Variants in NT5DC1 observed in about 807,000 individuals in gnomAD.
NT5DC1 encodes the protein 5'-nucleotidase domain-containing protein 1.
Under a neutral mutation model 59.4 loss-of-function variants are expected in NT5DC1, and 42 were observed. The observed-to-expected ratio is 0.71, with a 90% CI of 0.55 to 0.92. NT5DC1 has a LOEUF of 0.92. Among genes scored for constraint, NT5DC1 ranks in the 40% least tolerant of loss-of-function variants. NT5DC1 has a pLI of 0.00. For synonymous variants in NT5DC1, 172 were observed against 188.1 expected, an observed-to-expected ratio of 0.91 and a Z score of 0.70; for missense variants, 501 against 537.1, an observed-to-expected ratio of 0.93 and a Z score of 0.66.
chr6:116,243,815 AAAAT>A, intron 11 of NT5DC1, 90 bp from the exon 12 acceptor site: 1 of 551,932 alleles, frequency 1.8e-6, no homozygotes, highest in Non-Finnish European at 3.2e-6. Context: ...TTACGTCTAA[AAAAT>A]AAGTTTTATT....
At chr6:116,178,552 C>T (rs1349086543) in intron 6 of NT5DC1, among the ~76,000 whole-genome samples, 1 of 152,168 alleles carries the variant, frequency 6.6e-6, no homozygotes, top group Non-Finnish European at 1.5e-5. Context: ...GAAGTCATAA[C>T]TAGTGTCAGC....
Position 116,248,567 on chromosome 6 carries a change from A to G in NT5DC1, c.*4543A>G, listed in dbSNP as rs1389669419. On this transcript the variant is annotated 3_prime_UTR_variant, in exon 12 of 12. Transcript: ENST00000319550. ...GAAGGGCCTGATGAGAAGGTCAGAG[A>G]AGCCTTTTATAAGTGTCTGGCTTGC... 2 of 152,236 alleles carry G rather than the reference A, an allele frequency of 1.3e-5. No individual in the cohort carries two copies. Among genetic ancestry groups the G allele is most frequent in the African/African-American group, 2.4e-5 (1 of 41,446 alleles). The allele number at this position is 152,236 out of a possible 1,614,324, so 9.4% of individuals were successfully genotyped here.
chr6:116,243,747 A>T (rs911595463), intron 11 of NT5DC1, among the ~76,000 whole-genome samples, 162 bp from the exon 12 acceptor site: 1 of 152,186 alleles, frequency 6.6e-6, no homozygotes, highest in Non-Finnish European at 1.5e-5. Flanking sequence ...CACATTTTTA[A>T]CCTTATAATA....
rs886589019 is a variant in NT5DC1 at position 116,151,317 on chromosome 6, C to T, written c.529+33372C>T. Reference sequence around the variant, plus strand: ...TTGATAACATTCATACATGCAAGTGCATTTTTACTCCACATATTTTTCTTA... The same window carrying T: ...TTGATAACATTCATACATGCAAGTGTATTTTTACTCCACATATTTTTCTTA... On this transcript the variant is annotated intron_variant, in intron 6 of 11. Coordinates refer to ENST00000319550, the MANE Select transcript of NT5DC1 (RefSeq NM_152729.3). 7.2e-5 allele frequency among the ~76,000 whole-genome samples: 11 copies of T among 152,306 alleles called. No individual in the cohort carries two copies. The South Asian group carries it at 2.3e-3, about 32-fold the overall frequency.
intron 6 of NT5DC1, among the ~76,000 whole-genome samples, chr6:116,128,714 G>A (rs1420024110): frequency 6.6e-6 from 1 of 152,006 alleles, no homozygotes; most frequent in Non-Finnish European, 1.5e-5. Context: ...CCCCACTCCT[G>A]CTGTCCTGAG....
chr6:116,230,875 A>T (rs1005163470), intron 8 of NT5DC1, among the ~76,000 whole-genome samples: 1 of 152,128 alleles, frequency 6.6e-6, no homozygotes, highest in African/African-American at 2.4e-5. Flanking sequence ...CACAATTCCA[A>T]CAACATTAAC....
chr6:116,134,756 A>G (rs891900253), intron 6 of NT5DC1, among the ~76,000 whole-genome samples: 1 of 152,208 alleles, frequency 6.6e-6, no homozygotes, highest in Non-Finnish European at 1.5e-5. Context: ...TTGCTGTTCT[A>G]GTAAGTGTGT....
At chr6:116,235,097 A>C (rs1355317808) in intron 8 of NT5DC1, among the ~76,000 whole-genome samples, 1 of 151,010 alleles carries the variant, frequency 6.6e-6, no homozygotes, top group East Asian at 1.9e-4. Flanking sequence ...AGAAGTTATA[A>C]TACTATGGAT....
At chr6:116,150,411 A>G (rs984979801) in intron 6 of NT5DC1, among the ~76,000 whole-genome samples, 10 of 152,162 alleles carry the variant, frequency 6.6e-5, no homozygotes, top group African/African-American at 2.4e-4. Flanking sequence ...CAACCTCCCA[A>G]GTAGCTGGGG....
chr6:116,206,133 A>T (rs1001447310), intron 6 of NT5DC1, among the ~76,000 whole-genome samples: 18 of 152,010 alleles, frequency 1.2e-4, no homozygotes, highest in Non-Finnish European at 2.2e-4. Context: ...TTTGAAGGTA[A>T]GTAGCATTTT....
At chr6:116,174,428 A>G (rs546730223) in intron 6 of NT5DC1, among the ~76,000 whole-genome samples, 1 of 152,344 alleles carries the variant, frequency 6.6e-6, no homozygotes, top group South Asian at 2.1e-4. Context: ...CTGAAGGAAA[A>G]GACGATATGC....
intron 6 of NT5DC1, among the ~76,000 whole-genome samples, chr6:116,212,511 C>T (rs972151191): frequency 6.6e-6 from 1 of 152,060 alleles, no homozygotes; most frequent in Admixed American, 6.6e-5. Flanking sequence ...ACTCTGCATA[C>T]TTTTGGCTTT....
intron 6 of NT5DC1, among the ~76,000 whole-genome samples, chr6:116,178,395 C>T (rs1780800531): frequency 6.6e-6 from 1 of 151,988 alleles, no homozygotes; most frequent in Non-Finnish European, 1.5e-5. Flanking sequence ...TTCATAAAGG[C>T]GATAGAAAGA....
chr6:116,155,951 A>C lies in NT5DC1; in HGVS notation c.529+38006A>C, dbSNP rs551344768. Among the ~76,000 whole-genome samples, 34 of 152,182 alleles carry C rather than the reference A, an allele frequency of 2.2e-4. No homozygotes were observed. In the South Asian group the frequency reaches 6.8e-3, roughly 31 times the overall value. On this transcript the variant is annotated intron_variant, in intron 6 of 11. Coordinates refer to ENST00000319550, the MANE Select transcript of NT5DC1 (RefSeq NM_152729.3). ...AGAGACAAATGTATTCAGTTACCTA[A>C]AGGCTTTAGGGTTGGGAATGGGCTA...
At chr6:116,143,782 A>G (rs983504496) in intron 6 of NT5DC1, among the ~76,000 whole-genome samples, 7 of 152,212 alleles carry the variant, frequency 4.6e-5, no homozygotes, top group African/African-American at 7.2e-5. Context: ...AAAATTAGCT[A>G]TAGTAATTCA....
chr6:116,182,222 A>AGTGTGTGTGTGTGTGTGT (rs35883565), intron 6 of NT5DC1, among the ~76,000 whole-genome samples: 53 of 124,688 alleles, frequency 4.3e-4, no homozygotes, highest in African/African-American at 1.4e-3. Context: ...TTCCATGGAG[A>AGTGTGTGTGTGTGTGTGT]GTGTGTGTGT....
At chr6:116,222,222 CT>C (rs1333389413) in intron 7 of NT5DC1, among the ~76,000 whole-genome samples, 1 of 152,170 alleles carries the variant, frequency 6.6e-6, no homozygotes, top group East Asian at 1.9e-4. Flanking sequence ...TCCTGGATGT[CT>C]TAGAAGGTGC....
chr6:116,122,078 T>C, intron 6 of NT5DC1: 2 of 929,340 alleles, frequency 2.2e-6, no homozygotes, highest in Non-Finnish European at 3.5e-6. Flanking sequence ...ATTTATTCCA[T>C]GTAGACAGAA....
At chr6:116,142,865 C>G (rs1172870002) in intron 6 of NT5DC1, among the ~76,000 whole-genome samples, 1 of 152,096 alleles carries the variant, frequency 6.6e-6, no homozygotes, top group Non-Finnish European at 1.5e-5. Flanking sequence ...TACATCTGTC[C>G]CAGTTGCTTC....
Sources: allele counts gnomAD v4.1 joint callset (sites outside exome capture counted in the v4.1 genomes callset), GRCh38; gene constraint gnomAD v4.1.1; transcripts MANE v1.5; gene names NCBI Gene and HGNC (gene_info 2026-07-23, HGNC 2026-07-21).